The following PPP1R42 variants were observed in gnomAD, a reference collection of about 807,000 sequenced individuals.
PPP1R42 encodes the protein protein phosphatase 1 regulatory subunit 42.
PPP1R42 carries 34 observed loss-of-function variants against 31.0 expected under a neutral mutation model. The observed-to-expected ratio is 1.10, with a 90% CI of 0.83 to 1.46. The LOEUF is 1.46. PPP1R42 is among the 40% of genes most tolerant of loss of function. The probability of loss-of-function intolerance (pLI) is 0.00; values close to 1 mark genes in which losing one functional copy is unlikely to be tolerated. For synonymous variants in PPP1R42, 103 were observed against 109.8 expected (o/e 0.94, Z 0.39); for missense variants, 268 against 303.0 (o/e 0.88, Z 0.86).
At chr8:66,985,459 A>G in intron 6 of PPP1R42, 1 of 883,464 alleles carries the variant, frequency 1.1e-6, no homozygotes, top group Non-Finnish European at 1.9e-6. Context: ...CTCATCTAGG[A>G]TCAGTGGTGT....
intron 7 of PPP1R42, among the ~76,000 whole-genome samples, chr8:66,973,378 A>T (rs927060664): frequency 4.0e-5 from 6 of 151,842 alleles, no homozygotes; most frequent in African/African-American, 9.7e-5. Flanking sequence ...ATCTCGGCTC[A>T]CTGCAGCCTC....
At chr8:66,967,978 C>G (rs565897821) in intron 7 of PPP1R42, among the ~76,000 whole-genome samples, 5 of 151,440 alleles carry the variant, frequency 3.3e-5, no homozygotes, top group Non-Finnish European at 7.4e-5. Context: ...TCAGGCACCT[C>G]CTAGCATGTT....
intron 5 of PPP1R42, among the ~76,000 whole-genome samples, chr8:67,000,141 T>G (rs1455073891): frequency 6.6e-6 from 1 of 152,134 alleles, no homozygotes; most frequent in African/African-American, 2.4e-5. Flanking sequence ...TTAATTTCCT[T>G]CCTTCAAATT....
intron 1 of PPP1R42, among the ~76,000 whole-genome samples, chr8:67,018,364 C>T (rs886533228): frequency 2.0e-5 from 3 of 151,604 alleles, no homozygotes; most frequent in South Asian, 2.1e-4. Flanking sequence ...GCAATTGGCC[C>T]GCCTCGGCCT....
rs75262508 is a variant in PPP1R42, at chr8:67,015,780, T to A, written c.130-1188A>T. Among the ~76,000 whole-genome samples, 5 of 152,280 alleles carry A rather than the reference T, an allele frequency of 3.3e-5. No individual in the cohort carries two copies. The East Asian group carries it at 9.7e-4, about 29-fold the overall frequency. On this transcript the variant is annotated intron_variant, in intron 2 of 7. Transcript: ENST00000685739. Reference sequence around the variant, plus strand: ...GGATTTTTAAAAAGGCTGCCATTTCTTGTGTCATGGCAGAGATCAGCCTAG... The same window carrying A: ...GGATTTTTAAAAAGGCTGCCATTTCATGTGTCATGGCAGAGATCAGCCTAG...
At chr8:66,969,072 C>T (rs962289970) in intron 7 of PPP1R42, among the ~76,000 whole-genome samples, 2 of 151,990 alleles carry the variant, frequency 1.3e-5, no homozygotes, top group Non-Finnish European at 1.5e-5. Context: ...ATTTAGTGTT[C>T]GTAGTTAGGA....
chr8:66,969,701 C>T (rs1278357919), intron 7 of PPP1R42, among the ~76,000 whole-genome samples: 4 of 152,104 alleles, frequency 2.6e-5, no homozygotes, highest in African/African-American at 7.2e-5. Context: ...TGGGACCCTT[C>T]GAAGAGGGTG....
At chr8:66,985,363 G>T (rs1416035033) in intron 6 of PPP1R42, 2 of 762,580 alleles carry the variant, frequency 2.6e-6, no homozygotes, top group Non-Finnish European at 2.3e-6. Context: ...TCCCTCCGAA[G>T]AGGGAACAGC....
intron 6 of PPP1R42, chr8:66,984,131 T>C: frequency 6.3e-7 from 1 of 1,588,334 alleles, no homozygotes; most frequent in Non-Finnish European, 8.6e-7. Context: ...CTTGCAGTAG[T>C]CTCAATCAGT....
At chr8:67,004,893 T>C (rs78160725) in intron 5 of PPP1R42, among the ~76,000 whole-genome samples, 2,241 of 152,246 alleles carry the variant, frequency 0.015, 54 homozygotes, top group African/African-American at 0.05. Flanking sequence ...CAGCTGGCAT[T>C]TTCCCTCTGA....
chr8:67,023,963 T>G (rs887361247), intron 1 of PPP1R42, among the ~76,000 whole-genome samples: 14 of 151,736 alleles, frequency 9.2e-5, no homozygotes, highest in Admixed American at 2.0e-4. Flanking sequence ...GCCAAAATGG[T>G]GAAAACCCGT....
intron 6 of PPP1R42, chr8:66,984,412 T>C (rs1814940243): frequency 1.5e-6 from 2 of 1,315,260 alleles, no homozygotes; most frequent in African/African-American, 2.9e-5. Flanking sequence ...CAATTTCTTC[T>C]GGGTCTTGGG....
chr8:67,013,944 C>A (rs762966106), intron 3 of PPP1R42, among the ~76,000 whole-genome samples: 2 of 152,180 alleles, frequency 1.3e-5, no homozygotes, highest in Non-Finnish European at 2.9e-5. Context: ...TAATTATAAT[C>A]ACTATAGGTA....
At chr8:67,011,745 G>A (rs2129536888) in intron 4 of PPP1R42, among the ~76,000 whole-genome samples, 1 of 152,186 alleles carries the variant, frequency 6.6e-6, no homozygotes, top group East Asian at 1.9e-4. Flanking sequence ...ATGAGGCTCA[G>A]GAATCTCTAC....
chr8:67,018,824 C>A (rs1563433563), intron 1 of PPP1R42, among the ~76,000 whole-genome samples: 1 of 58,712 alleles, frequency 1.7e-5, no homozygotes, highest in Non-Finnish European at 3.8e-5. Context: ...GCCCCCCCCC[C>A]CTTTTTTTTT....
At chr8:67,008,366 G>A (rs1357835254) in intron 5 of PPP1R42, among the ~76,000 whole-genome samples, 2 of 152,068 alleles carry the variant, frequency 1.3e-5, no homozygotes, top group Non-Finnish European at 2.9e-5. Flanking sequence ...ACTTGATGGG[G>A]AGGTTCAGGA....
intron 1 of PPP1R42, among the ~76,000 whole-genome samples, chr8:67,027,860 T>A (rs1420425374): frequency 6.6e-6 from 1 of 152,174 alleles, no homozygotes; most frequent in African/African-American, 2.4e-5. Context: ...GATCTCTCTC[T>A]CCCAGGCCAC....
chr8:66,982,262 C>A, intron 6 of PPP1R42, 82 bp from the exon 7 acceptor site: 1 of 637,388 alleles, frequency 1.6e-6, no homozygotes, highest in African/African-American at 1.9e-5. Flanking sequence ...GTTCAGAGCA[C>A]AGAAACTTAA....
chr8:66,984,727 A>G, intron 6 of PPP1R42: 1 of 1,606,466 alleles, frequency 6.2e-7, no homozygotes, highest in Admixed American at 1.7e-5. Flanking sequence ...CTGAGCTGTG[A>G]CATGGGCTTC....
Sources: gnomAD v4.1 joint callset for allele counts (sites outside exome capture counted in the v4.1 genomes callset) on GRCh38, gnomAD v4.1.1 for gene constraint, MANE v1.5 for transcripts, NCBI Gene and HGNC (gene_info 2026-07-23, HGNC 2026-07-21) for gene names.